Variants in ETFDH observed in about 807,000 individuals in gnomAD.
ETFDH encodes electron transfer flavoprotein-ubiquinone oxidoreductase, mitochondrial.
ETFDH carries 61 observed loss-of-function variants against 73.2 expected under a neutral mutation model. The ratio of observed to expected loss-of-function variants is 0.83; its 90% CI spans 0.68 to 1.03. The LOEUF is 1.03. ETFDH is among the 50% of genes least tolerant of loss of function. ETFDH has a pLI of 0.00. For missense variants in ETFDH, 685 were observed against 745.0 expected (o/e 0.92, Z 0.94); for synonymous variants, 243 against 253.3 (o/e 0.96, Z 0.39).
intron 10 of ETFDH, among the ~76,000 whole-genome samples, chr4:158,703,868 G>A (rs562311595): frequency 3.3e-5 from 5 of 152,290 alleles, no homozygotes; most frequent in East Asian, 3.9e-4. Flanking sequence ...AGGCTGAGGC[G>A]GGTGGATCAT....
At position 158,707,512 on chromosome 4, in the gene ETFDH, T is replaced by C. The variant is rs17843972; in HGVS notation, c.1690+662T>C. The stretch of plus-strand genomic sequence containing the variant: ...AAAATAAGAAAATTCCAGAAACAAA[T>C]AATTCTTGAGTCTTAAATTGTGCAC... On this transcript the variant is annotated intron_variant, in intron 12 of 12. Coordinates refer to ENST00000511912, the MANE Select transcript of ETFDH (RefSeq NM_004453.4). Among the ~76,000 whole-genome samples the C allele has an allele frequency of 3.6e-3, 546 of 152,314 alleles. 8 individuals are homozygous for C. Among genetic ancestry groups the C allele is most frequent in the African/African-American group, 0.013 (523 of 41,562 alleles).
At chr4:158,689,223 C>T (rs973518715) in intron 5 of ETFDH, among the ~76,000 whole-genome samples, 9 of 152,110 alleles carry the variant, frequency 5.9e-5, no homozygotes, top group Non-Finnish European at 1.0e-4. Flanking sequence ...AAATAAAACA[C>T]GTAGGTCCCT....
At chr4:158,688,413 C>T (rs1427061375) in intron 5 of ETFDH, among the ~76,000 whole-genome samples, 10 of 140,284 alleles carry the variant, frequency 7.1e-5, no homozygotes, top group Non-Finnish European at 1.5e-4. Context: ...AAAAAGGGCA[C>T]AGTGGCTCAC....
At chr4:158,692,399 CAAAAAAAA>C (rs35615738) in intron 6 of ETFDH, among the ~76,000 whole-genome samples, 1,386 of 91,422 alleles carry the variant, frequency 0.015, 18 homozygotes, top group African/African-American at 0.053. Context: ...GACACCGTCT[CAAAAAAAA>C]AAAAAAAAAA....
intron 5 of ETFDH, among the ~76,000 whole-genome samples, chr4:158,689,717 G>A (rs770092721): frequency 1.4e-5 from 2 of 146,910 alleles, no homozygotes; most frequent in Non-Finnish European, 3.0e-5. Flanking sequence ...ACAATCTGCT[G>A]TGTAATTGCA....
At chr4:158,679,433 G>C (rs566667002) in intron 1 of ETFDH, 1 of 152,238 alleles carries the variant, frequency 6.6e-6, no homozygotes, top group Non-Finnish European at 1.5e-5. Flanking sequence ...CAGTGGAGAA[G>C]AATATAGTCT....
chr4:158,691,045 A>G (rs1046167359), intron 6 of ETFDH, among the ~76,000 whole-genome samples: 5 of 152,226 alleles, frequency 3.3e-5, no homozygotes, highest in African/African-American at 1.2e-4. Context: ...AAAATTTTTT[A>G]AAAGATAATA....
chr4:158,688,265 G>A (rs1198008215), intron 5 of ETFDH, among the ~76,000 whole-genome samples: 2 of 151,266 alleles, frequency 1.3e-5, no homozygotes, highest in African/African-American at 2.4e-5. Flanking sequence ...GGTGGCAGGC[G>A]CCTGTAGTCC....
intron 8 of ETFDH, among the ~76,000 whole-genome samples, 183 bp from the exon 9 acceptor site, chr4:158,698,804 T>C (rs527273956): frequency 1.3e-5 from 2 of 152,298 alleles, no homozygotes; most frequent in South Asian, 4.1e-4. Context: ...TCTTTACCTT[T>C]TCTTTTCCAA....
intron 1 of ETFDH, chr4:158,679,411 A>G (rs1408515935): frequency 6.6e-6 from 1 of 152,202 alleles, no homozygotes; most frequent in African/African-American, 2.4e-5. Context: ...ATCCAGCTAG[A>G]AAGATTAACC....
chr4:158,680,520 G>A lies in ETFDH; in HGVS notation c.88G>A (p.Ala30Thr), dbSNP rs1340326448. Residue 30 changes from alanine to threonine, a missense_variant, in exon 2 of 13, where the codon GCT (alanine) becomes ACT (threonine). Ala to Thr is a moderately conservative substitution (Grantham distance 58, BLOSUM62 0). Transcript: ENST00000511912. ...TAAGAAAAATTATCTACCTCTATGT[G>A]CTACAAGATGGTCTTCAACTTCTAC... ...KIKKNYLPLCATRWSSTSTVP... is the reference protein window; with the variant it reads ...KIKKNYLPLCTTRWSSTSTVP... 10 of 1,598,504 alleles carry A rather than the reference G, an allele frequency of 6.3e-6. No individual in the cohort carries two copies. The African/African-American group carries it at 1.2e-4, about 19-fold the overall frequency.
chr4:158,703,482 G>T lies in ETFDH; in HGVS notation c.1176G>T (p.Met392Ile). Residue 392 changes from methionine (M) to isoleucine (I), a missense_variant, in exon 10 of 13, where the codon ATG becomes ATT. Physicochemically the swap from Met to Ile is conservative, Grantham distance 10. Coordinates refer to ENST00000511912, the MANE Select transcript of ETFDH (RefSeq NM_004453.4). ...GLLIGCSPGF[M>I]NVPKIKGTHT... Reference sequence around the variant, plus strand: ...TAATTGGTTGTAGTCCTGGTTTTATGAATGTTCCCAAGATCAAAGGTACTC... The same window carrying T: ...TAATTGGTTGTAGTCCTGGTTTTATTAATGTTCCCAAGATCAAAGGTACTC... The T allele has an allele frequency of 6.2e-7, 1 of 1,611,412 alleles. No homozygotes were observed. Among genetic ancestry groups the T allele is most frequent in the Non-Finnish European group, 8.5e-7 (1 of 1,177,684 alleles).
At chr4:158,692,112 G>A (rs577975110) in intron 6 of ETFDH, among the ~76,000 whole-genome samples, 61 of 152,272 alleles carry the variant, frequency 4.0e-4, no homozygotes, top group Non-Finnish European at 7.2e-4. Context: ...AGCAAATAGC[G>A]GCCCGTCGCA....
chr4:158,684,281 T>C lies in ETFDH; in HGVS notation c.406-311T>C, dbSNP rs1773942403. Among the ~76,000 whole-genome samples the C allele has an allele frequency of 1.3e-5, 2 of 151,818 alleles. 1 individual carries two copies. The highest frequency in any genetic ancestry group is 4.2e-4 in the South Asian group (2 of 4,810). On this transcript the variant is annotated intron_variant, in intron 3 of 12. Coordinates refer to ENST00000511912, the MANE Select transcript of ETFDH (RefSeq NM_004453.4). ...GGCAGGTGCCTATAAGCCCAGCCAC[T>C]TGGGAGGCTGAGGCAGGAGAAACAC...
Position 158,706,735 on chromosome 4 carries a change from T to C in ETFDH, c.1575T>C (p.Ser525=). Residue 525 remains serine (S), a synonymous_variant, in exon 12 of 13, where the codon AGT becomes AGC. Transcript: ENST00000511912. ...ACCTCTTGTCATCTGTGGCTCTGAGTGGTACTAATCATGAACATGACCAGC... is the reference window on the plus strand; with the variant it reads ...ACCTCTTGTCATCTGTGGCTCTGAGCGGTACTAATCATGAACATGACCAGC... ...SFDLLSSVAL[S]GTNHEHDQPA... 2 of 1,613,644 alleles carry C rather than the reference T, an allele frequency of 1.2e-6. No homozygotes were observed. Among genetic ancestry groups the C allele is most frequent in the Non-Finnish European group, 1.7e-6 (2 of 1,179,666 alleles).
rs771068284 is a variant in ETFDH at position 158,709,571 on chromosome 4, CAT to C, written c.*1045_*1046del. 3.1e-4 allele frequency: 165 copies of C among 524,374 alleles called. No homozygotes were observed. The highest frequency in any genetic ancestry group is 5.0e-4 in the Middle Eastern group (1 of 2,016). 32.5% of individuals were successfully genotyped at this position (524,374 alleles called of 1,614,324 possible). A position where few individuals can be genotyped will look rare whatever the true frequency, so the allele number is the denominator to read the frequency against. On this transcript the variant is annotated 3_prime_UTR_variant, in exon 13 of 13. Coordinates refer to ENST00000511912, the MANE Select transcript of ETFDH (RefSeq NM_004453.4). ...AACCACTTTACTTACTGTATTGTGACATGTTTATTAAGCATGAACCCCTATCA... is the reference window on the plus strand; with the variant it reads ...AACCACTTTACTTACTGTATTGTGACGTTTATTAAGCATGAACCCCTATCA...
rs768856146 is a variant in ETFDH, at chr4:158,685,130, A to C, written c.517A>C (p.Ile173Leu). The change falls in exon 5 of 13, where the codon ATT becomes CTT. Residue 173 changes from isoleucine (I) to leucine (L), a missense_variant. Around this residue, in one of 3 missense-constraint regions of ETFDH, gnomAD observed 405 missense variants for 399.3 expected, o/e 1.01. Coordinates refer to ENST00000511912, the MANE Select transcript of ETFDH (RefSeq NM_004453.4). ...GLPMNNHGNY[I>L]VRLGHLVSWM... ...TCCAATGAATAATCATGGCAATTAC[A>C]TTGTACGCTTGGGACATTTAGTGAG... is the stretch of plus-strand genomic sequence containing the variant. 4 of 1,610,698 alleles carry C rather than the reference A, an allele frequency of 2.5e-6. No individual in the cohort carries two copies. The highest frequency in any genetic ancestry group is 3.4e-6 in the Non-Finnish European group (4 of 1,177,178).
chr4:158,686,129 A>G (rs138545864), intron 5 of ETFDH, among the ~76,000 whole-genome samples: 3 of 152,296 alleles, frequency 2.0e-5, no homozygotes, highest in East Asian at 1.9e-4. Context: ...TAGAAGAGAT[A>G]GGATTGAAAG....
At chr4:158,694,731 A>C (rs1203450200) in intron 6 of ETFDH, among the ~76,000 whole-genome samples, 1 of 152,198 alleles carries the variant, frequency 6.6e-6, no homozygotes, top group Non-Finnish European at 1.5e-5. Flanking sequence ...ACTGATGGAA[A>C]TATATGCATT....
Sources: allele counts gnomAD v4.1 joint callset (sites outside exome capture counted in the v4.1 genomes callset), GRCh38; gene constraint gnomAD v4.1.1; regional missense constraint gnomAD v4.1.1; transcripts MANE v1.5; gene names NCBI Gene and HGNC (gene_info 2026-07-23, HGNC 2026-07-21).